Variants in CDKN2B-AS1 observed in about 807,000 individuals in gnomAD.
CDKN2B-AS1 encodes the protein CDKN2B and CDKN2A antisense cis and trans regulatory RNA 1.
intron 1 of CDKN2B-AS1, chr9:22,012,355 G>T: frequency 8.7e-7 from 1 of 1,151,984 alleles, no homozygotes; most frequent in Non-Finnish European, 1.3e-6. Flanking sequence ...AGCCCACCCC[G>T]CACCTGGTGC....
intron 1 of CDKN2B-AS1, among the ~76,000 whole-genome samples, chr9:22,024,461 T>C (rs891355074): frequency 6.6e-6 from 1 of 152,232 alleles, no homozygotes; most frequent in Non-Finnish European, 1.5e-5. Context: ...GCTTTTGCAC[T>C]GGTGATGGTG....
intron 1 of CDKN2B-AS1, among the ~76,000 whole-genome samples, chr9:22,009,554 G>A (rs1821395971): frequency 6.6e-6 from 1 of 152,242 alleles, no homozygotes; most frequent in Non-Finnish European, 1.5e-5. Context: ...CTAATATTTT[G>A]GGAATGTTCA....
intron 1 of CDKN2B-AS1, among the ~76,000 whole-genome samples, chr9:22,022,842 A>G (rs577211600): frequency 1.3e-5 from 2 of 152,284 alleles, no homozygotes; most frequent in South Asian, 4.1e-4. Flanking sequence ...TTCCTTCAGC[A>G]TTTGCTTGTC....
Position 22,000,725 on chromosome 9 carries a change from T to G in CDKN2B-AS1, n.29+5564T>G, listed in dbSNP as rs1285335352. Among the ~76,000 whole-genome samples, 1 of 152,200 alleles carries G rather than the reference T, an allele frequency of 6.6e-6. No homozygotes were observed. Among genetic ancestry groups the G allele is most frequent in the Non-Finnish European group, 1.5e-5 (1 of 68,006 alleles). On this transcript the variant is annotated intron_variant and non_coding_transcript_variant, in intron 1 of 4. Coordinates refer to ENST00000650946, the Ensembl canonical transcript of CDKN2B-AS1. This position sits in a 1 kb window ranked among gnomAD's most constrained non-coding sequence, Gnocchi z 4.1. ...CTGTTTCTTCTTTTATGTTTGTGTA[T>G]TATTGCTTATAAATATATTCTAAAA... is the stretch of plus-strand genomic sequence containing the variant.
chr9:22,091,979 T>A (rs1265708913), intron 4 of CDKN2B-AS1, among the ~76,000 whole-genome samples: 1 of 152,186 alleles, frequency 6.6e-6, no homozygotes, highest in Non-Finnish European at 1.5e-5. Flanking sequence ...TAGCTCTTAT[T>A]ATTTTGAGAT....
At chr9:22,031,286 C>G (rs1009052473) in intron 1 of CDKN2B-AS1, among the ~76,000 whole-genome samples, 2 of 152,174 alleles carry the variant, frequency 1.3e-5, no homozygotes, top group African/African-American at 4.8e-5. Flanking sequence ...GTTACACCTA[C>G]AGTCCATATA....
intron 4 of CDKN2B-AS1, among the ~76,000 whole-genome samples, chr9:22,114,039 T>A (rs1341431367): frequency 6.6e-6 from 1 of 152,160 alleles, no homozygotes; most frequent in Non-Finnish European, 1.5e-5. Flanking sequence ...CAACCACATA[T>A]ATCAACTGAT....
intron 4 of CDKN2B-AS1, among the ~76,000 whole-genome samples, chr9:22,103,486 C>T (rs1449217768): frequency 6.6e-6 from 1 of 152,106 alleles, no homozygotes; most frequent in Non-Finnish European, 1.5e-5. Context: ...TTGCTGCCCT[C>T]TGGTGAGTCA....
At chr9:22,023,231 C>A (rs886993832) in intron 1 of CDKN2B-AS1, among the ~76,000 whole-genome samples, 1 of 152,202 alleles carries the variant, frequency 6.6e-6, no homozygotes, top group East Asian at 1.9e-4. Context: ...CAAGTTGGTT[C>A]CACTATCTTC....
chr9:22,011,131 C>A (rs1821481584), intron 1 of CDKN2B-AS1, among the ~76,000 whole-genome samples: 1 of 152,176 alleles, frequency 6.6e-6, no homozygotes, highest in Non-Finnish European at 1.5e-5. Context: ...TGCTTATACT[C>A]AGGCCTGGGT....
intron 4 of CDKN2B-AS1, among the ~76,000 whole-genome samples, chr9:22,102,417 A>G (rs1331658218): frequency 6.6e-6 from 1 of 152,166 alleles, no homozygotes; most frequent in Non-Finnish European, 1.5e-5. Context: ...ACAGAAATGT[A>G]TTTACAGTTT....
chr9:22,027,277 A>G (rs974289172), intron 1 of CDKN2B-AS1, among the ~76,000 whole-genome samples: 5 of 152,042 alleles, frequency 3.3e-5, no homozygotes, highest in African/African-American at 1.2e-4. Context: ...TACATTGTTA[A>G]GCTGTTTTAT....
intron 1 of CDKN2B-AS1, chr9:22,004,943 C>T (rs1053313382): frequency 8.6e-6 from 2 of 233,126 alleles, no homozygotes; most frequent in Non-Finnish European, 1.7e-5. Flanking sequence ...GCAACAGTGC[C>T]ATTGCTACAT....
intron 4 of CDKN2B-AS1, among the ~76,000 whole-genome samples, chr9:22,105,884 C>G (rs902550804): frequency 6.6e-6 from 1 of 152,120 alleles, no homozygotes; most frequent in South Asian, 2.1e-4. Flanking sequence ...AACTGGGTTA[C>G]TTTGGTTAAG....
At chr9:22,003,515 A>T (rs145582009) in intron 1 of CDKN2B-AS1, 3 of 228,990 alleles carry the variant, frequency 1.3e-5, no homozygotes, top group African/African-American at 6.6e-5. Flanking sequence ...TAGAGGTCAA[A>T]TTAAGGGATT....
At chr9:22,095,696 T>C (rs1377369075) in intron 4 of CDKN2B-AS1, among the ~76,000 whole-genome samples, 1 of 147,182 alleles carries the variant, frequency 6.8e-6, no homozygotes. Context: ...GGTGTTAAAG[T>C]GTCCTATTAT....
At chr9:22,110,884 T>C (rs1825789253) in intron 4 of CDKN2B-AS1, among the ~76,000 whole-genome samples, 1 of 152,138 alleles carries the variant, frequency 6.6e-6, no homozygotes, top group Non-Finnish European at 1.5e-5. Context: ...AGGTAATACA[T>C]GGCTTAGTTA....
chr9:22,062,748 T>G (rs1823872660), intron 4 of CDKN2B-AS1, among the ~76,000 whole-genome samples: 1 of 151,742 alleles, frequency 6.6e-6, no homozygotes, highest in Non-Finnish European at 1.5e-5. Flanking sequence ...GGTAATATTG[T>G]GTAGTTTTTT....
intron 1 of CDKN2B-AS1, among the ~76,000 whole-genome samples, chr9:22,031,774 A>G (rs1223334017): frequency 2.0e-5 from 3 of 152,170 alleles, no homozygotes; most frequent in South Asian, 2.1e-4. Flanking sequence ...GCTCATACCA[A>G]TAGAATATGG....
Sources: gnomAD v4.1 joint callset for allele counts (sites outside exome capture counted in the v4.1 genomes callset) on GRCh38, gnomAD v4.1.1 for gene constraint, Gnocchi (gnomAD v3.1) non-coding constraint, MANE v1.5 for transcripts, NCBI Gene and HGNC (gene_info 2026-07-23, HGNC 2026-07-21) for gene names.